The following FBXO16 variants were observed in gnomAD, a reference collection of about 807,000 sequenced individuals.
FBXO16 encodes F-box protein 16, also known as F-box only protein 16.
Under a neutral mutation model 41.0 loss-of-function variants are expected in FBXO16, and 31 were observed. That is an observed-to-expected ratio of 0.76 (90% CI 0.57 to 1.02). The LOEUF (loss-of-function observed/expected upper bound fraction) is 1.02, where lower values mean the gene tolerates loss of function less well. FBXO16 is among the 50% of genes least tolerant of loss of function. The probability of loss-of-function intolerance (pLI) is 0.00; values close to 1 mark genes in which losing one functional copy is unlikely to be tolerated. For synonymous variants in FBXO16, 133 were observed against 117.8 expected, an observed-to-expected ratio of 1.13 and a Z score of -0.84; for missense variants, 361 against 346.2, an observed-to-expected ratio of 1.04 and a Z score of -0.34.
chr8:28,483,244 C>T (rs927392343), intron 2 of FBXO16, 104 bp downstream of exon 2: 1 of 1,081,238 alleles, frequency 9.2e-7, no homozygotes, highest in Non-Finnish European at 1.3e-6. Flanking sequence ...TCATCCATTA[C>T]ACAATCTTAA....
chr8:28,447,301 T>A lies in FBXO16; in HGVS notation c.741-28A>T, dbSNP rs753744119. On this transcript the variant is annotated intron_variant, in intron 6 of 8. Coordinates refer to ENST00000380254, the MANE Select transcript of FBXO16 (RefSeq NM_172366.4). ...GTAAATTGGAAAGCAGTGGGAAAAT[T>A]ACAAAGTATCTTTTTAAAACTCAGG... 5.7e-5 allele frequency: 90 copies of A among 1,581,026 alleles called. No individual in the cohort carries two copies. The Admixed American group carries it at 1.5e-3, about 27-fold the overall frequency.
At chr8:28,442,415 G>A (rs1397680965) in intron 7 of FBXO16, among the ~76,000 whole-genome samples, 1 of 151,966 alleles carries the variant, frequency 6.6e-6, no homozygotes, top group Non-Finnish European at 1.5e-5. Flanking sequence ...ACAGAGTCTT[G>A]CTCTGTCGCC....
intron 7 of FBXO16, among the ~76,000 whole-genome samples, chr8:28,435,233 C>T (rs1322553636): frequency 2.7e-5 from 4 of 149,692 alleles, no homozygotes; most frequent in Non-Finnish European, 4.4e-5. Context: ...TGCAATGGTG[C>T]GATCCTGGCT....
chr8:28,465,327 A>T (rs954545234), intron 3 of FBXO16: 6 of 428,136 alleles, frequency 1.4e-5, no homozygotes, highest in Non-Finnish European at 2.4e-5. Flanking sequence ...AATGTGTTGA[A>T]GAAAGGAGAA....
At chr8:28,464,003 T>A (rs192655281) in intron 3 of FBXO16, among the ~76,000 whole-genome samples, 185 bp from the exon 4 acceptor site, 2 of 152,226 alleles carry the variant, frequency 1.3e-5, no homozygotes, top group Non-Finnish European at 2.9e-5. Context: ...TATGGGAGCA[T>A]GTGCATGACC....
chr8:28,466,464 G>A (rs891506503), intron 3 of FBXO16, among the ~76,000 whole-genome samples: 8 of 151,500 alleles, frequency 5.3e-5, no homozygotes, highest in East Asian at 1.9e-4. Flanking sequence ...TCCTAGCCCC[G>A]TTTCTATACA....
intron 7 of FBXO16, among the ~76,000 whole-genome samples, chr8:28,443,841 C>T (rs976724374): frequency 5.3e-5 from 8 of 152,134 alleles, no homozygotes; most frequent in African/African-American, 1.2e-4. Flanking sequence ...TGCTACACTC[C>T]GATTACTGCC....
At chr8:28,461,452 C>T (rs1803132805) in intron 4 of FBXO16, among the ~76,000 whole-genome samples, 1 of 152,046 alleles carries the variant, frequency 6.6e-6, no homozygotes, top group African/African-American at 2.4e-5. Context: ...GATGGCATGC[C>T]ATAATGAGGC....
chr8:28,447,643 A>G (rs1253022717), intron 6 of FBXO16: 1 of 169,168 alleles, frequency 5.9e-6, no homozygotes, highest in African/African-American at 2.4e-5. Flanking sequence ...ATATGTATTT[A>G]CTTGTACTTT....
intron 4 of FBXO16, among the ~76,000 whole-genome samples, chr8:28,458,630 A>G (rs1404158359): frequency 7.2e-6 from 1 of 138,900 alleles, no homozygotes; most frequent in South Asian, 2.2e-4. Flanking sequence ...TTGGCTCACT[A>G]CAACCTCCGC....
At chr8:28,462,349 G>C (rs1803149933) in intron 4 of FBXO16, among the ~76,000 whole-genome samples, 1 of 150,400 alleles carries the variant, frequency 6.6e-6, no homozygotes. Flanking sequence ...CGCATTCTCG[G>C]CTTACTGCAA....
intron 2 of FBXO16, among the ~76,000 whole-genome samples, chr8:28,478,699 T>G (rs554767688): frequency 1.3e-5 from 2 of 151,706 alleles, no homozygotes; most frequent in African/African-American, 4.8e-5. Context: ...GGTGGGTGCC[T>G]GCAATCCCAG....
chr8:28,484,298 G>A (rs1803566079), intron 1 of FBXO16, among the ~76,000 whole-genome samples: 1 of 152,208 alleles, frequency 6.6e-6, no homozygotes, highest in Non-Finnish European at 1.5e-5. Flanking sequence ...ACTCCTGCCT[G>A]ACAGCGTATT....
intron 2 of FBXO16, among the ~76,000 whole-genome samples, chr8:28,474,797 C>T (rs1803398646): frequency 6.6e-6 from 1 of 152,176 alleles, no homozygotes; most frequent in Non-Finnish European, 1.5e-5. Flanking sequence ...GAGCATGTTA[C>T]AGGTATCTAT....
chr8:28,448,357 A>AG (rs1554525511), intron 6 of FBXO16, among the ~76,000 whole-genome samples: 2 of 151,076 alleles, frequency 1.3e-5, no homozygotes, highest in African/African-American at 4.8e-5. Flanking sequence ...AAAAAAAAAA[A>AG]AAAGAAAGAA....
At chr8:28,469,050 T>A (rs11782292) in intron 3 of FBXO16, among the ~76,000 whole-genome samples, 31,966 of 152,080 alleles carry the variant, frequency 0.21, 4,045 homozygotes, top group Middle Eastern at 0.29. Flanking sequence ...GGCTTATGCC[T>A]GTAATCCCAG....
chr8:28,467,903 G>A (rs1336662904), intron 3 of FBXO16, among the ~76,000 whole-genome samples: 1 of 151,796 alleles, frequency 6.6e-6, no homozygotes, highest in African/African-American at 2.4e-5. Context: ...TGCCTCAAGG[G>A]ATTTTCCTTT....
chr8:28,475,649 G>A (rs28626183), intron 2 of FBXO16, among the ~76,000 whole-genome samples: 43,923 of 151,988 alleles, frequency 0.29, 7,131 homozygotes, highest in East Asian at 0.64. Context: ...TATAGTTCAC[G>A]CTTCACTTAG....
chr8:28,480,873 C>T (rs1181234738), intron 2 of FBXO16, among the ~76,000 whole-genome samples: 2 of 152,184 alleles, frequency 1.3e-5, no homozygotes, highest in African/African-American at 4.8e-5. Flanking sequence ...AAGACGGAAT[C>T]TCAACTCTTC....
Sources: allele counts gnomAD v4.1 joint callset (sites outside exome capture counted in the v4.1 genomes callset), GRCh38; gene constraint gnomAD v4.1.1; transcripts MANE v1.5; gene names NCBI Gene and HGNC (gene_info 2026-07-23, HGNC 2026-07-21).